CBL: variants seen among roughly 807,000 people sequenced by gnomAD.
The protein encoded by CBL is Cbl proto-oncogene.
Under a neutral mutation model 96.9 loss-of-function variants are expected in CBL, and 45 were observed. The observed-to-expected ratio is 0.46, with a 90% CI of 0.37 to 0.60. CBL has a LOEUF of 0.60. CBL is among the 20% of genes least tolerant of loss of function. CBL has a pLI of 0.00. For missense variants in CBL, 1,024 were observed against 1,143.5 expected, an observed-to-expected ratio of 0.90 and a Z score of 1.51; for synonymous variants, 420 against 426.8, an observed-to-expected ratio of 0.98 and a Z score of 0.20.
intron 2 of CBL, among the ~76,000 whole-genome samples, chr11:119,260,647 A>G (rs146179437): frequency 1.8e-4 from 28 of 152,036 alleles, no homozygotes; most frequent in Non-Finnish European, 3.5e-4. Context: ...CCCTAGGTTT[A>G]TCTCCTCTCT....
rs1262688624 is a variant in CBL, at chr11:119,278,640, C to T, written c.1358C>T (p.Pro453Leu). 1.2e-6 allele frequency: 2 copies of T among 1,613,966 alleles called. No homozygotes were observed. Among genetic ancestry groups the T allele is most frequent in the Non-Finnish European group, 1.7e-6 (2 of 1,179,990 alleles). The stretch of plus-strand genomic sequence containing the variant: ...CAAGGAGCAGAGGGAGCTCCCTCCC[C>T]AAATTATGATGATGATGATGATGAA... ...LRQGAEGAPSPNYDDDDDERA... is the reference protein window; with the variant it reads ...LRQGAEGAPSLNYDDDDDERA... Residue 453 changes from proline (P) to leucine (L), a missense_variant, in exon 9 of 16, where the codon CCA (proline) becomes CTA (leucine). This residue lies in a region of CBL where 695 missense variants were observed against 661.6 expected (regional missense o/e 1.05). Transcript: ENST00000264033.
chr11:119,299,578 T>TG lies in CBL; in HGVS notation c.2519dup (p.Cys840TrpfsTer5). On this transcript the variant is annotated frameshift_variant, in exon 16 of 16. Transcript: ENST00000264033. LOFTEE classifies it high-confidence loss of function. ...CAACTCTGAACGGAAAGCTGGCAGC[T>TG]GTCAGCAAGGTAGTGGTCCTGCCGC... The TG allele has an allele frequency of 6.2e-7, 1 of 1,614,220 alleles. No individual in the cohort carries two copies. The highest frequency in any genetic ancestry group is 8.5e-7 in the Non-Finnish European group (1 of 1,180,032).
chr11:119,269,555 T>G (rs1406085097), intron 2 of CBL, among the ~76,000 whole-genome samples: 2 of 152,068 alleles, frequency 1.3e-5, no homozygotes, highest in Non-Finnish European at 2.9e-5. Context: ...TATAAAGACT[T>G]GGATAATTTG....
chr11:119,298,559 T>C lies in CBL; in HGVS notation c.2434+19T>C, dbSNP rs1040579282. 5.0e-6 allele frequency: 8 copies of C among 1,612,784 alleles called. No individual in the cohort carries two copies. The highest frequency in any genetic ancestry group is 6.8e-6 in the Non-Finnish European group (8 of 1,178,774). The stretch of plus-strand genomic sequence containing the variant: ...ACAACAAGTGAGTCTCCAGACTACT[T>C]TGGGTTTGTCCTGAATGGCAGTGTG... On this transcript the variant is annotated intron_variant, in intron 15 of 15. Coordinates refer to ENST00000264033, the MANE Select transcript of CBL (RefSeq NM_005188.4).
chr11:119,208,053 A>G (rs772917494), intron 1 of CBL, among the ~76,000 whole-genome samples: 5 of 152,240 alleles, frequency 3.3e-5, no homozygotes, highest in Non-Finnish European at 5.9e-5. Flanking sequence ...TAATGACACA[A>G]GTATTCGTGT....
intron 1 of CBL, among the ~76,000 whole-genome samples, chr11:119,216,155 T>C (rs568138336): frequency 6.6e-6 from 1 of 152,280 alleles, no homozygotes; most frequent in East Asian, 1.9e-4. Flanking sequence ...TTGGAATGGC[T>C]AGTGAGTCGT....
rs199662024 is a variant in CBL, at chr11:119,256,192, C to CT, written c.444-15527dup. The stretch of plus-strand genomic sequence containing the variant: ...TTCTACTTGATAGTATTTGTACATT[C>CT]TTTTTTTTTTTTTTTTAAAGATGGA... On this transcript the variant is annotated intron_variant, in intron 2 of 15. Coordinates refer to ENST00000264033, the MANE Select transcript of CBL (RefSeq NM_005188.4). Among the ~76,000 whole-genome samples the CT allele has an allele frequency of 7.3e-3, 996 of 136,862 alleles. 9 individuals are homozygous for CT. The highest frequency in any genetic ancestry group is 0.031 in the Admixed American group (424 of 13,500). The allele number at this position is 136,862 out of a possible 152,430, so 89.8% of individuals were successfully genotyped here.
At chr11:119,265,522 G>C (rs1483234866) in intron 2 of CBL, among the ~76,000 whole-genome samples, 1 of 152,114 alleles carries the variant, frequency 6.6e-6, no homozygotes, top group Non-Finnish European at 1.5e-5. Context: ...AATTATTTCT[G>C]CTAAGGTGTG....
intron 12 of CBL, among the ~76,000 whole-genome samples, chr11:119,291,684 G>A (rs1950027726): frequency 6.6e-6 from 1 of 152,052 alleles, no homozygotes; most frequent in African/African-American, 2.4e-5. Flanking sequence ...CTCCAGCGTG[G>A]GCAACACAGT....
intron 2 of CBL, among the ~76,000 whole-genome samples, chr11:119,254,977 G>A (rs1312087202): frequency 6.6e-6 from 1 of 152,058 alleles, no homozygotes; most frequent in Non-Finnish European, 1.5e-5. Flanking sequence ...TGGAATTCAT[G>A]GGTAGAAGTA....
chr11:119,274,768 C>A, intron 4 of CBL, 64 bp from the exon 5 acceptor site: 152 of 1,383,760 alleles, frequency 1.1e-4, no homozygotes, highest in East Asian at 2.8e-4. Flanking sequence ...TTTTTTTTCT[C>A]ATTGCCCTCT....
intron 11 of CBL, 25 bp downstream of exon 11, chr11:119,285,591 TA>T: frequency 6.2e-7 from 1 of 1,611,054 alleles, no homozygotes; most frequent in Non-Finnish European, 8.5e-7. Context: ...TGAAACTATC[TA>T]ACCTGTTAAG....
At chr11:119,217,296 G>A (rs2135253579) in intron 1 of CBL, among the ~76,000 whole-genome samples, 1 of 152,208 alleles carries the variant, frequency 6.6e-6, no homozygotes, top group South Asian at 2.1e-4. Flanking sequence ...TGTATTTTTA[G>A]TAGACGGGGT....
At position 119,271,453 on chromosome 11, in the gene CBL, G is replaced by A. The variant is rs115279244; in HGVS notation, c.444-282G>A. Among the ~76,000 whole-genome samples the A allele has an allele frequency of 9.5e-3, 1,450 of 152,280 alleles. 18 individuals are homozygous for A. The highest frequency in any genetic ancestry group is 0.027 in the African/African-American group (1,133 of 41,546). ...GAATGCAACAGTATTTCTTCATTGT[G>A]TTTGTATCTTTCATATGATCTTACA... On this transcript the variant is annotated intron_variant, in intron 2 of 15. Transcript: ENST00000264033.
intron 2 of CBL, among the ~76,000 whole-genome samples, chr11:119,244,581 A>ATTTTTTTTTTCTTTTTTT (rs1949610986): frequency 9.6e-6 from 1 of 104,404 alleles, no homozygotes; most frequent in Non-Finnish European, 1.9e-5. Context: ...TGCCCGGCTA[A>ATTTTTTTTTTCTTTTTTT]TTTTTTTTTT....
Position 119,287,943 on chromosome 11 carries a change from C to A in CBL, c.2033C>A (p.Ala678Asp). The change falls in exon 12 of 16, where the codon GCC becomes GAC. Residue 678 changes from alanine (A) to aspartate (D), a missense_variant. By Grantham distance (126) the Ala-to-Asp change is moderately radical (BLOSUM62 -2). Coordinates refer to ENST00000264033, the MANE Select transcript of CBL (RefSeq NM_005188.4). ...GCCAATGCCATTTATTCTCTGGCTG[C>A]CAGGTAAGTCTGCTAAAGCTATATT... ...SSANAIYSLA[A>D]RPLPVPKLPP... is the part of the protein sequence containing the mutation. The A allele has an allele frequency of 6.2e-7, 1 of 1,606,780 alleles. No individual in the cohort carries two copies. The highest frequency in any genetic ancestry group is 1.3e-5 in the African/African-American group (1 of 74,824).
chr11:119,219,681 CTTTT>C (rs201151258), intron 1 of CBL, among the ~76,000 whole-genome samples: 2 of 140,624 alleles, frequency 1.4e-5, no homozygotes, highest in South Asian at 2.3e-4. Context: ...CCATTTTTGC[CTTTT>C]TTTTTTTTTT....
chr11:119,246,818 G>T (rs1230963465), intron 2 of CBL, among the ~76,000 whole-genome samples: 2 of 152,184 alleles, frequency 1.3e-5, no homozygotes. Flanking sequence ...TGTACTTTAA[G>T]ATTCATGCTA....
intron 2 of CBL, among the ~76,000 whole-genome samples, chr11:119,264,492 C>G (rs112393650): frequency 0.033 from 4,655 of 139,694 alleles, 262 homozygotes; most frequent in African/African-American, 0.11. Context: ...CTTTTCTTTT[C>G]TTTTTTTGAG....
Sources: allele counts gnomAD v4.1 joint callset (sites outside exome capture counted in the v4.1 genomes callset), GRCh38; gene constraint gnomAD v4.1.1; regional missense constraint gnomAD v4.1.1; transcripts MANE v1.5; gene names NCBI Gene and HGNC (gene_info 2026-07-23, HGNC 2026-07-21).